Variants in ALDH3A1 observed in about 807,000 individuals in gnomAD.
ALDH3A1 encodes the protein aldehyde dehydrogenase, dimeric NADP-preferring.
Under a neutral mutation model 49.9 loss-of-function variants are expected in ALDH3A1, and 46 were observed. That is an observed-to-expected ratio of 0.92 (90% CI 0.73 to 1.18). The LOEUF is 1.18. ALDH3A1 is among the 50% of genes most tolerant of loss of function. The pLI, the probability that ALDH3A1 is intolerant of heterozygous loss-of-function variation, is 0.00. For synonymous variants in ALDH3A1, 269 were observed against 253.3 expected (o/e 1.06, Z -0.59); for missense variants, 592 against 611.8 (o/e 0.97, Z 0.34).
rs1438794648 is a variant in ALDH3A1, at chr17:19,743,750, G to A, written c.163-287C>T. 4.1e-6 allele frequency: 4 copies of A among 985,096 alleles called. No individual in the cohort carries two copies. The highest frequency in any genetic ancestry group is 3.5e-5 in the African/African-American group (2 of 57,226). 61.0% of individuals were successfully genotyped at this position (985,096 alleles called of 1,614,324 possible). A position where few individuals can be genotyped will look rare whatever the true frequency, so the allele number is the denominator to read the frequency against. On this transcript the variant is annotated intron_variant, in intron 2 of 10. Transcript: ENST00000225740. The surrounding 1 kb of genome is among the most constrained non-coding windows in gnomAD (Gnocchi z 4.4). ...ATGGGCAACGGAATGGATCCAGGTAGGGGGAATAGAGCCGGGCAGGGGAGA... is the reference window on the plus strand; with the variant it reads ...ATGGGCAACGGAATGGATCCAGGTAAGGGGAATAGAGCCGGGCAGGGGAGA...
At position 19,746,679 on chromosome 17, in the gene ALDH3A1, A is replaced by G. The variant is rs1171611210; in HGVS notation, c.-5-1545T>C. 4.8e-4 allele frequency among the ~76,000 whole-genome samples: 59 copies of G among 121,924 alleles called. 1 individual carries two copies. The highest frequency in any genetic ancestry group is 1.1e-3 in the East Asian group (4 of 3,660). 80.0% of individuals were successfully genotyped at this position (121,924 alleles called of 152,430 possible). On this transcript the variant is annotated intron_variant, in intron 1 of 10. Coordinates refer to ENST00000225740, the MANE Select transcript of ALDH3A1 (RefSeq NM_000691.5). The stretch of plus-strand genomic sequence containing the variant: ...CATGTGTGTGTGTGCGTGTGTGTGC[A>G]TGTGCGTGTGTGTGTGCGTGCGTGT...
At chr17:19,744,540 C>T in intron 2 of ALDH3A1, 1 of 985,446 alleles carries the variant, frequency 1.0e-6, no homozygotes, top group Non-Finnish European at 1.2e-6. Flanking sequence ...GGTGTCTGGT[C>T]TTGCTCAGGG....
chr17:19,743,861 C>T lies in ALDH3A1; in HGVS notation c.163-398G>A, dbSNP rs747805938. On this transcript the variant is annotated intron_variant, in intron 2 of 10. Transcript: ENST00000225740. This position sits in a 1 kb window ranked among gnomAD's most constrained non-coding sequence, Gnocchi z 4.4. The stretch of plus-strand genomic sequence containing the variant: ...AGATTCGGGCACTGGGAGCTGGATC[C>T]GGGCAGGGTGGAGGGAGCCAGGCCC... 4.1e-6 allele frequency: 4 copies of T among 983,918 alleles called. No homozygotes were observed. Among genetic ancestry groups the T allele is most frequent in the South Asian group, 9.4e-5 (2 of 21,230 alleles). 60.9% of individuals were successfully genotyped at this position (983,918 alleles called of 1,614,324 possible). A position where few individuals can be genotyped will look rare whatever the true frequency, so the allele number is the denominator to read the frequency against.
intron 2 of ALDH3A1, chr17:19,744,138 CTG>C: frequency 2.0e-6 from 2 of 985,058 alleles, no homozygotes; most frequent in South Asian, 9.4e-5. Flanking sequence ...TGGCTCATGC[CTG>C]TAATCCCAGC....
At position 19,743,470 on chromosome 17, in the gene ALDH3A1, C is replaced by T. The variant is rs376168688; in HGVS notation, c.163-7G>A. 3.3e-5 allele frequency: 53 copies of T among 1,584,682 alleles called. No individual in the cohort carries two copies. The African/African-American group carries it at 5.2e-4, about 16-fold the overall frequency. On this transcript the variant is annotated splice_region_variant and splice_polypyrimidine_tract_variant and intron_variant, in intron 2 of 10. Coordinates refer to ENST00000225740, the MANE Select transcript of ALDH3A1 (RefSeq NM_000691.5). The surrounding 1 kb of genome is among the most constrained non-coding windows in gnomAD (Gnocchi z 4.4). ...AGTAGGCGTTCCATTCATTCTGCAG[C>T]GACAGAGCCGGAGTGAGCTTCCAGG...
Position 19,742,558 on chromosome 17 carries a change from T to A in ALDH3A1, c.467A>T (p.Gln156Leu), listed in dbSNP as rs745609991. The A allele has an allele frequency of 2.5e-6, 4 of 1,613,584 alleles. No homozygotes were observed. Among genetic ancestry groups the A allele is most frequent in the Middle Eastern group, 1.7e-4 (1 of 6,058 alleles). Residue 156 changes from glutamine (Q) to leucine (L), a missense_variant, in exon 4 of 11, where the codon CAG (glutamine) becomes CTG (leucine). By Grantham distance (113) the Gln-to-Leu change is moderately radical. Coordinates refer to ENST00000225740, the MANE Select transcript of ALDH3A1 (RefSeq NM_000691.5). ...AGGGCAACTCACCTTGTCCAGGTAC[T>A]GGGGGATGATGGTAGCCAGCAGGCT... is the stretch of plus-strand genomic sequence containing the variant. ...MASLLATIIP[Q>L]YLDKDLYPVI... is the part of the protein sequence containing the mutation.
intron 4 of ALDH3A1, 142 bp downstream of exon 4, chr17:19,742,403 G>A: frequency 9.0e-7 from 1 of 1,115,460 alleles, no homozygotes; most frequent in Non-Finnish European, 1.3e-6. Context: ...CAATGAGAGA[G>A]GGCAGCTGCT....
chr17:19,740,249 A>T lies in ALDH3A1; in HGVS notation c.949+87T>A, dbSNP rs1269355196. Reference sequence around the variant, plus strand: ...ACCCATCCCGAGGTCGTGTCCGCTTATCAAGCATCTGTGCCCACTTGCTGT... The same window carrying T: ...ACCCATCCCGAGGTCGTGTCCGCTTTTCAAGCATCTGTGCCCACTTGCTGT... On this transcript the variant is annotated intron_variant, in intron 7 of 10. Coordinates refer to ENST00000225740, the MANE Select transcript of ALDH3A1 (RefSeq NM_000691.5). 3.2e-6 allele frequency: 5 copies of T among 1,557,494 alleles called. No homozygotes were observed. In the African/African-American group the frequency reaches 5.4e-5, roughly 17 times the overall value.
At chr17:19,744,900 A>ACCCCCC (rs1567655690) in intron 2 of ALDH3A1, 68 bp downstream of exon 2, 6 of 270,612 alleles carry the variant, frequency 2.2e-5, no homozygotes, top group Non-Finnish European at 2.7e-5. Flanking sequence ...CACTCTCCCC[A>ACCCCCC]GCCCCTCCCC....
In ALDH3A1 at chr17:19,738,039, A is replaced by ACTTGGAAT; in HGVS notation, c.*174_*181dup. ...TTTATTGGTCTAGAAAGGGGTGGAG[A>ACTTGGAAT]CTTGGAATGGTGAGGCCTGGGCCCA... is the stretch of plus-strand genomic sequence containing the variant. On this transcript the variant is annotated 3_prime_UTR_variant, in exon 11 of 11. Transcript: ENST00000225740. The ACTTGGAAT allele has an allele frequency of 1.3e-6, 2 of 1,523,966 alleles. No homozygotes were observed. The highest frequency in any genetic ancestry group is 1.8e-6 in the Non-Finnish European group (2 of 1,137,764). The allele number at this position is 1,523,966 out of a possible 1,614,324, so 94.4% of individuals were successfully genotyped here. A position where few individuals can be genotyped will look rare whatever the true frequency, so the allele number is the denominator to read the frequency against.
chr17:19,738,779 A>G (rs1239112510), intron 9 of ALDH3A1, among the ~76,000 whole-genome samples: 4 of 152,172 alleles, frequency 2.6e-5, no homozygotes, highest in Admixed American at 2.0e-4. Context: ...TCAGGCCTCC[A>G]TGAAATAGGC....
Position 19,739,060 on chromosome 17 carries a change from A to C in ALDH3A1, c.1152T>G (p.Gly384=). 1 of 1,613,720 alleles carries C rather than the reference A, an allele frequency of 6.2e-7. No homozygotes were observed. The highest frequency in any genetic ancestry group is 8.5e-7 in the Non-Finnish European group (1 of 1,179,846). Residue 384 remains glycine, a synonymous_variant, in exon 9 of 11, where the codon GGT becomes GGG. Coordinates refer to ENST00000225740, the MANE Select transcript of ALDH3A1 (RefSeq NM_000691.5). ...IKKMIAETSS[G]GVAANDVIVH... is the part of the protein sequence containing the mutation. ...CGATGACATCGTTGGCCGCCACCCC[A>C]CCACTGGATGTCTCTGCAATCATCT...
At chr17:19,745,596 C>T (rs1298787547) in intron 1 of ALDH3A1, 1 of 154,338 alleles carries the variant, frequency 6.5e-6, no homozygotes, top group Non-Finnish European at 1.4e-5. Flanking sequence ...CCTGGCTAAG[C>T]CATTGTTCTA....
chr17:19,742,334 G>C lies in ALDH3A1; in HGVS notation c.481-122C>G, dbSNP rs145293763. On this transcript the variant is annotated intron_variant, in intron 4 of 10. Transcript: ENST00000225740. ...CGAAGCTCAGCACCCCACCTTGGGC[G>C]GGGGGTAGCAGTAACTGGCAGTAGA... 1.6e-3 allele frequency: 1,905 copies of C among 1,202,124 alleles called. 4 individuals carry two copies. The highest frequency in any genetic ancestry group is 3.1e-3 in the East Asian group (123 of 40,178). 74.5% of individuals were successfully genotyped at this position (1,202,124 alleles called of 1,614,324 possible).
chr17:19,742,435 C>A, intron 4 of ALDH3A1, 110 bp downstream of exon 4: 1 of 1,293,958 alleles, frequency 7.7e-7, no homozygotes, highest in South Asian at 1.4e-5. Context: ...TCAGCCCCAC[C>A]AGTAGCTTGG....
At chr17:19,740,121 C>T in intron 7 of ALDH3A1, 1 of 574,342 alleles carries the variant, frequency 1.7e-6, no homozygotes, top group Non-Finnish European at 3.0e-6. Context: ...GCCCCTCTTT[C>T]TGGGCCTTTG....
chr17:19,740,757 G>A (rs913154781), intron 6 of ALDH3A1, among the ~76,000 whole-genome samples: 15 of 151,992 alleles, frequency 9.9e-5, no homozygotes, highest in African/African-American at 3.1e-4. Flanking sequence ...CCCAAGCAAT[G>A]CTCCAGCCTC....
At chr17:19,747,722 G>A (rs986912772) in intron 1 of ALDH3A1, among the ~76,000 whole-genome samples, 4 of 152,020 alleles carry the variant, frequency 2.6e-5, no homozygotes, top group African/African-American at 9.7e-5. Context: ...CCTGCACCCC[G>A]CTCCTCTCAC....
intron 5 of ALDH3A1, chr17:19,741,433 G>A: frequency 4.0e-6 from 2 of 498,820 alleles, no homozygotes; most frequent in Non-Finnish European, 7.3e-6. Context: ...GAGGACGTCT[G>A]TTGAGGGCAA....
Sources: allele counts gnomAD v4.1 joint callset (sites outside exome capture counted in the v4.1 genomes callset), GRCh38; gene constraint gnomAD v4.1.1; non-coding constraint Gnocchi (gnomAD v3.1); transcripts MANE v1.5; gene names NCBI Gene and HGNC (gene_info 2026-07-23, HGNC 2026-07-21).